The following CREB5 variants were observed in gnomAD, a reference collection of about 807,000 sequenced individuals.
CREB5 encodes the protein cyclic AMP-responsive element-binding protein 5.
In CREB5, 19 loss-of-function variants were observed where a neutral mutation model predicts 57.1. The observed-to-expected ratio is 0.33, with a 90% CI of 0.23 to 0.49. The LOEUF (loss-of-function observed/expected upper bound fraction) is 0.49. Ranked by LOEUF, CREB5 falls within the 20% of genes least tolerant of loss-of-function variation. The pLI is 0.99. For missense variants in CREB5, 579 were observed against 671.6 expected (o/e 0.86, Z 1.52); for synonymous variants, 238 against 238.3 (o/e 1.00, Z 0.01).
At chr7:28,568,046 A>C (rs1795550768) in intron 4 of CREB5, among the ~76,000 whole-genome samples, 1 of 152,170 alleles carries the variant, frequency 6.6e-6, no homozygotes, top group Non-Finnish European at 1.5e-5. Flanking sequence ...GAGTGCATGA[A>C]GGAGAACATT....
chr7:28,612,543 G>GGTGTGTGTGTGTGT (rs59074697), intron 5 of CREB5, among the ~76,000 whole-genome samples: 13 of 137,376 alleles, frequency 9.5e-5, no homozygotes, highest in East Asian at 2.2e-4. Flanking sequence ...TTAGAGAAGG[G>GGTGTGTGTGTGTGT]GTGTGTGTGT....
chr7:28,480,171 A>G (rs1445618921), intron 1 of CREB5, among the ~76,000 whole-genome samples: 1 of 152,248 alleles, frequency 6.6e-6, no homozygotes, highest in East Asian at 1.9e-4. Flanking sequence ...CTCAAACTGC[A>G]TTAAAAAGTA....
intron 4 of CREB5, among the ~76,000 whole-genome samples, chr7:28,544,250 C>T (rs1384328685): frequency 6.6e-6 from 1 of 152,264 alleles, no homozygotes; most frequent in East Asian, 1.9e-4. Context: ...CAGCCTGGCA[C>T]ATGGCCGGGG....
intron 1 of CREB5, among the ~76,000 whole-genome samples, chr7:28,452,768 T>A (rs1789886536): frequency 6.6e-6 from 1 of 152,078 alleles, no homozygotes; most frequent in Non-Finnish European, 1.5e-5. Context: ...TGCCTCTTAC[T>A]GGGAGAAAGC....
chr7:28,318,766 T>G (rs1785430834), intron 1 of CREB5, among the ~76,000 whole-genome samples: 1 of 152,180 alleles, frequency 6.6e-6, no homozygotes, highest in South Asian at 2.1e-4. Context: ...GCACAGAATA[T>G]CATCGTAAAT....
chr7:28,365,690 G>A (rs1382610123), intron 1 of CREB5, among the ~76,000 whole-genome samples: 1 of 152,076 alleles, frequency 6.6e-6, no homozygotes, highest in Non-Finnish European at 1.5e-5. Context: ...TACAGAAACT[G>A]CGCTCCTCTA....
At chr7:28,754,867 G>T (rs933382263) in intron 7 of CREB5, among the ~76,000 whole-genome samples, 2 of 152,148 alleles carry the variant, frequency 1.3e-5, no homozygotes, top group Non-Finnish European at 2.9e-5. Context: ...CTACGCCTTT[G>T]CTTGTATCTG....
intron 1 of CREB5, among the ~76,000 whole-genome samples, chr7:28,361,607 G>A (rs1786485070): frequency 6.6e-6 from 1 of 152,188 alleles, no homozygotes; most frequent in Non-Finnish European, 1.5e-5. Flanking sequence ...TCCTGCTTGA[G>A]TTTATTCCTC....
intron 5 of CREB5, among the ~76,000 whole-genome samples, chr7:28,622,187 A>T (rs1168643077): frequency 1.3e-5 from 2 of 151,860 alleles, no homozygotes; most frequent in African/African-American, 4.8e-5. Context: ...AAACTTGGTG[A>T]GGAGGGTGGC....
chr7:28,819,351 T>A lies in CREB5; in HGVS notation c.*72T>A. 1 of 1,474,584 alleles carries A rather than the reference T, an allele frequency of 6.8e-7. No homozygotes were observed. Among genetic ancestry groups the A allele is most frequent in the Non-Finnish European group, 9.1e-7 (1 of 1,093,590 alleles). The allele number at this position is 1,474,584 out of a possible 1,614,324, so 91.3% of individuals were successfully genotyped here. A position where few individuals can be genotyped will look rare whatever the true frequency, so the allele number is the denominator to read the frequency against. On this transcript the variant is annotated 3_prime_UTR_variant, in exon 11 of 11. Transcript: ENST00000357727. ...GCGTCCTTTCTTTTAAGGGCATTTT[T>A]AGAATTAACTCAGACCTGGAAGACT...
intron 2 of CREB5, chr7:28,491,385 A>T: frequency 2.7e-6 from 1 of 367,532 alleles, no homozygotes. Context: ...CAAGGAAGTG[A>T]CTTGAAAATG....
chr7:28,459,702 G>A (rs568307125), intron 1 of CREB5, among the ~76,000 whole-genome samples: 21 of 152,328 alleles, frequency 1.4e-4, no homozygotes, highest in South Asian at 4.1e-4. Context: ...GCAGGGTGAC[G>A]TAAGGGGGTG....
intron 7 of CREB5, among the ~76,000 whole-genome samples, chr7:28,762,918 C>T (rs1355270291): frequency 6.6e-6 from 1 of 152,102 alleles, no homozygotes; most frequent in Non-Finnish European, 1.5e-5. Context: ...AGAATAAATA[C>T]AGTGTCCCAA....
chr7:28,523,751 C>T (rs553524648), intron 4 of CREB5, among the ~76,000 whole-genome samples: 8 of 152,284 alleles, frequency 5.3e-5, no homozygotes, highest in East Asian at 1.9e-4. Flanking sequence ...CATCTTTGAC[C>T]GAATCTAATC....
intron 5 of CREB5, among the ~76,000 whole-genome samples, chr7:28,631,845 C>T (rs1334848028): frequency 3.3e-5 from 5 of 152,072 alleles, no homozygotes; most frequent in African/African-American, 4.8e-5. Flanking sequence ...CACCATAAGG[C>T]GGCGCCAGGG....
intron 1 of CREB5, among the ~76,000 whole-genome samples, chr7:28,482,765 G>A (rs989362879): frequency 6.6e-6 from 1 of 152,156 alleles, no homozygotes; most frequent in African/African-American, 2.4e-5. Context: ...TATCAGAGGT[G>A]ACAGGGACAC....
At chr7:28,680,364 C>A (rs1191317119) in intron 5 of CREB5, among the ~76,000 whole-genome samples, 7 of 152,160 alleles carry the variant, frequency 4.6e-5, no homozygotes, top group Non-Finnish European at 1.0e-4. Context: ...AGCTACTATG[C>A]CTTGTCTTGG....
At chr7:28,551,996 T>A (rs56957554) in intron 4 of CREB5, among the ~76,000 whole-genome samples, 3 of 25,250 alleles carry the variant, frequency 1.2e-4, no homozygotes, top group Middle Eastern at 0.02. Flanking sequence ...TTTCTCTCTT[T>A]TCTCTCTCTC....
chr7:28,612,731 C>T (rs1797443283), intron 5 of CREB5, among the ~76,000 whole-genome samples: 1 of 151,954 alleles, frequency 6.6e-6, no homozygotes, highest in Non-Finnish European at 1.5e-5. Context: ...TGAAACATGC[C>T]CTCAAAGGGC....
Sources: allele counts gnomAD v4.1 joint callset (sites outside exome capture counted in the v4.1 genomes callset), GRCh38; gene constraint gnomAD v4.1.1; transcripts MANE v1.5; gene names NCBI Gene and HGNC (gene_info 2026-07-23, HGNC 2026-07-21).